CEP85L: variants seen among roughly 807,000 people sequenced by gnomAD.
CEP85L encodes centrosomal protein of 85 kDa-like.
CEP85L carries 60 observed loss-of-function variants against 100.3 expected under a neutral mutation model. The ratio of observed to expected loss-of-function variants is 0.60; its 90% CI spans 0.49 to 0.74. The LOEUF (loss-of-function observed/expected upper bound fraction) is 0.74. Ranked by LOEUF, CEP85L falls within the 30% of genes least tolerant of loss-of-function variation. The pLI is 0.00. For synonymous variants in CEP85L, 319 were observed against 322.7 expected, an observed-to-expected ratio of 0.99 and a Z score of 0.12; for missense variants, 973 against 936.2, an observed-to-expected ratio of 1.04 and a Z score of -0.51.
chr6:118,672,629 G>C (rs950182174), intron 1 of CEP85L, among the ~76,000 whole-genome samples: 1 of 152,044 alleles, frequency 6.6e-6, no homozygotes, highest in Non-Finnish European at 1.5e-5. Flanking sequence ...AGCTGGGCAT[G>C]GTGGCACACA....
At chr6:118,689,119 T>G (rs1221847468) in intron 1 of CEP85L, among the ~76,000 whole-genome samples, 1 of 152,180 alleles carries the variant, frequency 6.6e-6, no homozygotes, top group Non-Finnish European at 1.5e-5. Context: ...TTACTTATGT[T>G]TTCTGGGATT....
intron 10 of CEP85L, among the ~76,000 whole-genome samples, chr6:118,474,647 G>A (rs943223558): frequency 5.9e-5 from 9 of 152,310 alleles, no homozygotes; most frequent in Middle Eastern, 6.8e-3. Flanking sequence ...CTACTAGAGT[G>A]GGGGTACCAT....
chr6:118,683,298 A>G (rs1463307853), intron 1 of CEP85L, among the ~76,000 whole-genome samples: 1 of 152,198 alleles, frequency 6.6e-6, no homozygotes, highest in African/African-American at 2.4e-5. Flanking sequence ...TTCCAAACCA[A>G]TCTTTGGGGG....
intron 2 of CEP85L, among the ~76,000 whole-genome samples, chr6:118,605,401 C>T (rs967526212): frequency 3.3e-5 from 5 of 152,164 alleles, no homozygotes; most frequent in Non-Finnish European, 5.9e-5. Context: ...TCCAAGTGTG[C>T]AAAGAGTCAA....
intron 10 of CEP85L, among the ~76,000 whole-genome samples, chr6:118,473,865 C>G (rs930830286): frequency 1.3e-5 from 2 of 151,814 alleles, no homozygotes; most frequent in African/African-American, 4.8e-5. Flanking sequence ...AATGGAAGGG[C>G]AGAGATGCCA....
At chr6:118,616,432 T>C (rs1488816779) in intron 2 of CEP85L, among the ~76,000 whole-genome samples, 1 of 151,692 alleles carries the variant, frequency 6.6e-6, no homozygotes, top group Non-Finnish European at 1.5e-5. Flanking sequence ...CTTGGGAGGC[T>C]GAAGCAGAAG....
At chr6:118,639,401 TCAC>T (rs1774720935) in intron 1 of CEP85L, among the ~76,000 whole-genome samples, 1 of 152,162 alleles carries the variant, frequency 6.6e-6, no homozygotes, top group Admixed American at 6.5e-5. Context: ...GCAAAGTTCT[TCAC>T]CAATTGTCAG....
chr6:118,490,556 C>G (rs1774487493), intron 6 of CEP85L, among the ~76,000 whole-genome samples: 1 of 152,112 alleles, frequency 6.6e-6, no homozygotes, highest in South Asian at 2.1e-4. Context: ...TAAATATCGA[C>G]TGTACAAACC....
intron 2 of CEP85L, among the ~76,000 whole-genome samples, chr6:118,630,008 A>G (rs562658679): frequency 3.3e-5 from 5 of 152,296 alleles, no homozygotes; most frequent in African/African-American, 7.2e-5. Context: ...TTTCTTCTTG[A>G]TAAGTGGCTT....
intron 2 of CEP85L, among the ~76,000 whole-genome samples, chr6:118,630,549 G>C (rs1396061428): frequency 6.6e-6 from 1 of 152,188 alleles, no homozygotes; most frequent in Non-Finnish European, 1.5e-5. Flanking sequence ...TCCTTCAGTA[G>C]GTGAATGTTG....
chr6:118,660,059 G>C (rs1775919830), intron 1 of CEP85L, among the ~76,000 whole-genome samples: 1 of 152,240 alleles, frequency 6.6e-6, no homozygotes, highest in Non-Finnish European at 1.5e-5. Context: ...CAGCAGATGA[G>C]AGTGTGTCTC....
intron 2 of CEP85L, among the ~76,000 whole-genome samples, chr6:118,617,174 G>C (rs147677670): frequency 6.6e-6 from 1 of 152,224 alleles, no homozygotes; most frequent in East Asian, 1.9e-4. Context: ...CTCATTTCCT[G>C]CATCAGGGAT....
chr6:118,700,276 C>T (rs569761117), intron 1 of CEP85L, among the ~76,000 whole-genome samples: 1 of 152,290 alleles, frequency 6.6e-6, no homozygotes, highest in South Asian at 2.1e-4. Context: ...GATAATCTAC[C>T]CCAATATTCT....
At chr6:118,651,988 C>T (rs1775601490), upstream of CEP85L, 2 of 780,178 alleles carry the variant, frequency 2.6e-6, no homozygotes, top group Non-Finnish European at 3.1e-6. Flanking sequence ...GAGGGGGCTT[C>T]CAGCCTCCCT....
chr6:118,626,123 G>A (rs1365869713), intron 2 of CEP85L, among the ~76,000 whole-genome samples: 1 of 152,156 alleles, frequency 6.6e-6, no homozygotes, highest in Non-Finnish European at 1.5e-5. Flanking sequence ...GATGCCAGCT[G>A]AGCTTCCTGG....
chr6:118,618,386 T>C (rs1298138692), intron 2 of CEP85L, among the ~76,000 whole-genome samples: 1 of 152,218 alleles, frequency 6.6e-6, no homozygotes. Flanking sequence ...TGCCATCTGA[T>C]GGCCACTTTG....
chr6:118,630,167 T>G (rs1209911026), intron 2 of CEP85L, among the ~76,000 whole-genome samples: 2 of 152,218 alleles, frequency 1.3e-5, no homozygotes, highest in African/African-American at 2.4e-5. Context: ...ATTTTACATA[T>G]GAGTAAACCT....
upstream of CEP85L, chr6:118,656,965 CT>C (rs1478238873): frequency 1.3e-5 from 2 of 152,224 alleles, no homozygotes; most frequent in African/African-American, 4.8e-5. Context: ...GTTGAGTTGA[CT>C]GGGAACTTGT....
At chr6:118,505,633 A>G (rs1441284997) in intron 5 of CEP85L, among the ~76,000 whole-genome samples, 1 of 152,184 alleles carries the variant, frequency 6.6e-6, no homozygotes, top group African/African-American at 2.4e-5. Flanking sequence ...CAGTTTAAAA[A>G]GAAATGGTTT....
Sources: gnomAD v4.1 joint callset for allele counts (sites outside exome capture counted in the v4.1 genomes callset) on GRCh38, gnomAD v4.1.1 for gene constraint, MANE v1.5 for transcripts, NCBI Gene and HGNC (gene_info 2026-07-23, HGNC 2026-07-21) for gene names.